Variants in OPRL1 observed in about 807,000 individuals in gnomAD.
OPRL1 encodes opioid related nociceptin receptor 1.
Under a neutral mutation model 15.5 loss-of-function variants are expected in OPRL1, and 5 were observed. That is an observed-to-expected ratio of 0.32 (90% CI 0.17 to 0.68). The LOEUF (loss-of-function observed/expected upper bound fraction) is 0.68, where lower values mean the gene tolerates loss of function less well. OPRL1 is among the 30% of genes least tolerant of loss of function. OPRL1 has a pLI of 0.72. For missense variants in OPRL1, 406 were observed against 515.3 expected, an observed-to-expected ratio of 0.79 and a Z score of 2.05; for synonymous variants, 223 against 230.2, an observed-to-expected ratio of 0.97 and a Z score of 0.28.
rs568908461 is a variant in OPRL1, at chr20:64,081,504, C to T, written c.-185+1152C>T. 5.9e-5 allele frequency among the ~76,000 whole-genome samples: 9 copies of T among 152,272 alleles called. No homozygotes were observed. In the South Asian group the frequency reaches 1.9e-3, roughly 32 times the overall value. On this transcript the variant is annotated intron_variant, in intron 1 of 4. Transcript: ENST00000336866. ...TGCCCCCTCGGGTCACTCTACAACC[C>T]CCCAGTCATTCCCCCGTCTCCTCTG...
intron 1 of OPRL1, among the ~76,000 whole-genome samples, chr20:64,088,254 G>C (rs1450590724): frequency 6.6e-6 from 1 of 152,252 alleles, no homozygotes; most frequent in Non-Finnish European, 1.5e-5. Flanking sequence ...ATCCATGCAA[G>C]GGGCCAGAAT....
At chr20:64,081,394 G>A (rs1183302178) in intron 1 of OPRL1, among the ~76,000 whole-genome samples, 2 of 152,238 alleles carry the variant, frequency 1.3e-5, no homozygotes, top group African/African-American at 4.8e-5. Flanking sequence ...CAACCAGGCT[G>A]ACCCCGCTGA....
At chr20:64,080,924 G>T (rs939930582) in intron 1 of OPRL1, among the ~76,000 whole-genome samples, 11 of 152,196 alleles carry the variant, frequency 7.2e-5, no homozygotes, top group African/African-American at 1.9e-4. Flanking sequence ...GGCAGCTGGA[G>T]ATTCTACTTG....
At chr20:64,085,992 C>T (rs2060045240) in intron 1 of OPRL1, among the ~76,000 whole-genome samples, 1 of 152,220 alleles carries the variant, frequency 6.6e-6, no homozygotes, top group South Asian at 2.1e-4. Flanking sequence ...TCCCCTCCTG[C>T]AGGTGCCTTT....
In OPRL1 at chr20:64,083,702, C is replaced by G. The variant is rs1963359531; in HGVS notation, c.-185+3350C>G. On this transcript the variant is annotated intron_variant, in intron 1 of 4. Coordinates refer to ENST00000336866, the MANE Select transcript of OPRL1 (RefSeq NM_182647.4). This position sits in a 1 kb window ranked among gnomAD's most constrained non-coding sequence, Gnocchi z 4.9. The stretch of plus-strand genomic sequence containing the variant: ...CGCTGGATGAGCAGCGCGATCTCCT[C>G]GGCCTGCGGGGCCCGGGTAGCTGAG... 5.0e-6 allele frequency: 7 copies of G among 1,388,442 alleles called. No homozygotes were observed. The highest frequency in any genetic ancestry group is 3.1e-5 in the African/African-American group (2 of 65,550). The allele number at this position is 1,388,442 out of a possible 1,614,324, so 86.0% of individuals were successfully genotyped here.
At position 64,089,302 on chromosome 20, in the gene OPRL1, C is replaced by A. The variant is rs903921790; in HGVS notation, c.-184-2664C>A. ...TCTGCTGGACCCTGAACGGCTCCCA[C>A]AGAGGGAGTTGAGGTCTCTATTGAC... On this transcript the variant is annotated intron_variant, in intron 1 of 4. Coordinates refer to ENST00000336866, the MANE Select transcript of OPRL1 (RefSeq NM_182647.4). This position sits in a 1 kb window ranked among gnomAD's most constrained non-coding sequence, Gnocchi z 5.5. Among the ~76,000 whole-genome samples, 1 of 152,156 alleles carries A rather than the reference C, an allele frequency of 6.6e-6. No individual in the cohort carries two copies. Among genetic ancestry groups the A allele is most frequent in the Non-Finnish European group, 1.5e-5 (1 of 68,022 alleles).
intron 1 of OPRL1, among the ~76,000 whole-genome samples, chr20:64,081,318 C>T (rs373552738): frequency 6.6e-5 from 10 of 152,300 alleles, no homozygotes; most frequent in Non-Finnish European, 1.2e-4. Context: ...CACTCCTGAG[C>T]GGTGGGCACA....
chr20:64,097,846 T>C lies in OPRL1; in HGVS notation c.278T>C (p.Leu93Pro), dbSNP rs1342010006. ...KTATNIYIFN[L>P]ALADTLVLLT... ...GCCACCAATATTTACATCTTTAACC[T>C]GGCCCTGGCCGACACTCTGGTCCTG... Residue 93 changes from leucine (L) to proline (P), a missense_variant, in exon 4 of 5, where the codon CTG becomes CCG. Coordinates refer to ENST00000336866, the MANE Select transcript of OPRL1 (RefSeq NM_182647.4). This position sits in a 1 kb window ranked among gnomAD's most constrained non-coding sequence, Gnocchi z 4.2. 3 of 1,613,596 alleles carry C rather than the reference T, an allele frequency of 1.9e-6. No homozygotes were observed. The highest frequency in any genetic ancestry group is 8.5e-7 in the Non-Finnish European group (1 of 1,179,986).
At chr20:64,093,020 G>A (rs1978387780) in intron 3 of OPRL1, 67 bp downstream of exon 3, 1 of 1,428,150 alleles carries the variant, frequency 7.0e-7, no homozygotes, top group Non-Finnish European at 9.7e-7. Flanking sequence ...AACTGAGACG[G>A]GGTCTGTTCT....
Position 64,083,302 on chromosome 20 carries a change from A to T in OPRL1, c.-185+2950A>T. 1 of 1,327,382 alleles carries T rather than the reference A, an allele frequency of 7.5e-7. No individual in the cohort carries two copies. Among genetic ancestry groups the T allele is most frequent in the Non-Finnish European group, 1.0e-6 (1 of 952,778 alleles). The allele number at this position is 1,327,382 out of a possible 1,614,324, so 82.2% of individuals were successfully genotyped here. ...CTGTACCCTGATGTCTGTGAGGTGC[A>T]TGGGAGAGGCAGCGTCCATACTCCC... On this transcript the variant is annotated intron_variant, in intron 1 of 4. Coordinates refer to ENST00000336866, the MANE Select transcript of OPRL1 (RefSeq NM_182647.4). The surrounding 1 kb of genome is among the most constrained non-coding windows in gnomAD (Gnocchi z 4.9).
chr20:64,098,055 A>G lies in OPRL1; in HGVS notation c.487A>G (p.Thr163Ala), dbSNP rs199975134. 1.9e-6 allele frequency: 3 copies of G among 1,613,392 alleles called. No homozygotes were observed. In the East Asian group the frequency reaches 6.7e-5, roughly 36 times the overall value. ...CHPIRALDVRTSSKAQAVNVA... is the reference protein window; with the variant it reads ...CHPIRALDVRASSKAQAVNVA... ...CCCCATCCGTGCCCTCGACGTCCGC[A>G]CGTCCAGCAAAGCCCAGGCTGTCAA... Residue 163 changes from threonine to alanine, a missense_variant, in exon 4 of 5, where the codon ACG (threonine) becomes GCG (alanine). Thr to Ala is a moderately conservative substitution (Grantham distance 58). Coordinates refer to ENST00000336866, the MANE Select transcript of OPRL1 (RefSeq NM_182647.4).
intron 1 of OPRL1, chr20:64,084,309 G>T (rs2145572277): frequency 7.7e-7 from 1 of 1,294,816 alleles, no homozygotes; most frequent in South Asian, 2.3e-5. Flanking sequence ...CCCAACGTGC[G>T]CCCCAGCTCC....
chr20:64,080,556 C>G (rs553935635), intron 1 of OPRL1, among the ~76,000 whole-genome samples: 1 of 152,316 alleles, frequency 6.6e-6, no homozygotes, highest in Middle Eastern at 3.4e-3. Context: ...CCTGCTGACC[C>G]GTGTGTCCCA....
Position 64,080,084 on chromosome 20 carries a change from C to A in OPRL1, c.-453C>A. ...GCGCTCGGCCGGCTCCGCACCCCACCCGCCCCGCCCGCGCGTCGGCCCCCA... is the reference window on the plus strand; with the variant it reads ...GCGCTCGGCCGGCTCCGCACCCCACACGCCCCGCCCGCGCGTCGGCCCCCA... On this transcript the variant is annotated 5_prime_UTR_variant, in exon 1 of 5. Transcript: ENST00000336866. 1 of 149,442 alleles carries A rather than the reference C, an allele frequency of 6.7e-6. No homozygotes were observed. The highest frequency in any genetic ancestry group is 1.9e-4 in the South Asian group (1 of 5,260). 9.3% of individuals were successfully genotyped at this position (149,442 alleles called of 1,614,324 possible).
chr20:64,096,227 G>A (rs1979095320), intron 3 of OPRL1, among the ~76,000 whole-genome samples: 1 of 152,124 alleles, frequency 6.6e-6, no homozygotes, highest in African/African-American at 2.4e-5. Context: ...AGACAGGGAA[G>A]GTCCTCTGCT....
At position 64,083,713 on chromosome 20, in the gene OPRL1, G is replaced by A. The variant is rs1316232051; in HGVS notation, c.-185+3361G>A. 3.6e-6 allele frequency: 5 copies of A among 1,374,488 alleles called. No homozygotes were observed. The highest frequency in any genetic ancestry group is 4.7e-6 in the Non-Finnish European group (5 of 1,073,120). 85.1% of individuals were successfully genotyped at this position (1,374,488 alleles called of 1,614,324 possible). ...CAGCGCGATCTCCTCGGCCTGCGGGGCCCGGGTAGCTGAGCGCGCGCCGAG... is the reference window on the plus strand; with the variant it reads ...CAGCGCGATCTCCTCGGCCTGCGGGACCCGGGTAGCTGAGCGCGCGCCGAG... On this transcript the variant is annotated intron_variant, in intron 1 of 4. Coordinates refer to ENST00000336866, the MANE Select transcript of OPRL1 (RefSeq NM_182647.4). The surrounding 1 kb of genome is among the most constrained non-coding windows in gnomAD (Gnocchi z 4.9).
chr20:64,092,772 C>T lies in OPRL1; in HGVS notation c.52C>T (p.Leu18Phe). Residue 18 changes from leucine (L) to phenylalanine (F), a missense_variant, in exon 3 of 5, where the codon CTT (leucine) becomes TTT (phenylalanine). Leu to Phe is a conservative substitution (Grantham distance 22). Coordinates refer to ENST00000336866, the MANE Select transcript of OPRL1 (RefSeq NM_182647.4). ...CTGGGAGGTTATCTACGGCAGCCAC[C>T]TTCAGGGCAACCTGTCCCTCCTGAG... ...PFWEVIYGSHLQGNLSLLSPN... is the reference protein window; with the variant it reads ...PFWEVIYGSHFQGNLSLLSPN... The T allele has an allele frequency of 6.2e-7, 1 of 1,612,780 alleles. No individual in the cohort carries two copies.
chr20:64,098,959 C>A lies in OPRL1; in HGVS notation c.*160C>A. Reference sequence around the variant, plus strand: ...TCCCTGTGGGCCAGGGATGCTCGGTCCCAGAGGAGGACCTAGTGACATCAT... The same window carrying A: ...TCCCTGTGGGCCAGGGATGCTCGGTACCAGAGGAGGACCTAGTGACATCAT... On this transcript the variant is annotated 3_prime_UTR_variant, in exon 5 of 5. Coordinates refer to ENST00000336866, the MANE Select transcript of OPRL1 (RefSeq NM_182647.4). The A allele has an allele frequency of 1.0e-6, 1 of 992,526 alleles. No homozygotes were observed. The highest frequency in any genetic ancestry group is 1.4e-6 in the Non-Finnish European group (1 of 695,740). The allele number at this position is 992,526 out of a possible 1,614,324, so 61.5% of individuals were successfully genotyped here.
rs949721788 is a variant in OPRL1 at position 64,097,331 on chromosome 20, G to C, written c.234-471G>C. 2.0e-5 allele frequency among the ~76,000 whole-genome samples: 3 copies of C among 152,124 alleles called. No homozygotes were observed. Among genetic ancestry groups the C allele is most frequent in the Non-Finnish European group, 4.4e-5 (3 of 68,040 alleles). Reference sequence around the variant, plus strand: ...AGCAGTGTGGACTTGGAAGCCTTTTGATATGTTCTTACAGATTCTGGAGCC... The same window carrying C: ...AGCAGTGTGGACTTGGAAGCCTTTTCATATGTTCTTACAGATTCTGGAGCC... On this transcript the variant is annotated intron_variant, in intron 3 of 4. Coordinates refer to ENST00000336866, the MANE Select transcript of OPRL1 (RefSeq NM_182647.4). The surrounding 1 kb of genome is among the most constrained non-coding windows in gnomAD (Gnocchi z 4.2).
Sources: allele counts gnomAD v4.1 joint callset (sites outside exome capture counted in the v4.1 genomes callset), GRCh38; gene constraint gnomAD v4.1.1; non-coding constraint Gnocchi (gnomAD v3.1); transcripts MANE v1.5; gene names NCBI Gene and HGNC (gene_info 2026-07-23, HGNC 2026-07-21).